The following CHD7 variants were observed in gnomAD, a reference collection of about 807,000 sequenced individuals.
The protein encoded by CHD7 is ATP-dependent chromatin remodeler CHD7.
A neutral mutation model predicts 307.3 loss-of-function variants in CHD7; 24 were observed. That is an observed-to-expected ratio of 0.08 (90% CI 0.06 to 0.11). The LOEUF (loss-of-function observed/expected upper bound fraction) is 0.11. Among genes scored for constraint, CHD7 ranks in the 10% least tolerant of loss-of-function variants. The pLI, the probability that CHD7 is intolerant of heterozygous loss-of-function variation, is 1.00. For missense variants in CHD7, 3,106 were observed against 3,727.1 expected, an observed-to-expected ratio of 0.83 and a Z score of 4.34; for synonymous variants, 1,363 against 1,349.9, an observed-to-expected ratio of 1.01 and a Z score of -0.21.
intron 19 of CHD7, among the ~76,000 whole-genome samples, chr8:60,839,088 A>C (rs186543721): frequency 6.6e-6 from 1 of 152,084 alleles, no homozygotes; most frequent in African/African-American, 2.4e-5. Context: ...CCCCATTCCT[A>C]TCCATACCAG....
In CHD7 at chr8:60,818,522, A is replaced by G. The variant is rs147543703; in HGVS notation, c.2614-1485A>G. Among the ~76,000 whole-genome samples the G allele has an allele frequency of 3.6e-3, 554 of 152,342 alleles. 3 individuals carry two copies. Among genetic ancestry groups the G allele is most frequent in the African/African-American group, 0.013 (523 of 41,572 alleles). On this transcript the variant is annotated intron_variant, in intron 8 of 37. Coordinates refer to ENST00000423902, the MANE Select transcript of CHD7 (RefSeq NM_017780.4). ...ACACGTGTGTTTACCTACGTCTAGA[A>G]GCTTTTGAAAAGCCAGTGCATTAAT...
Position 60,793,777 on chromosome 8 carries a change from G to A in CHD7, c.2097-1209G>A, listed in dbSNP as rs1449259480. On this transcript the variant is annotated intron_variant, in intron 3 of 37. Transcript: ENST00000423902. The stretch of plus-strand genomic sequence containing the variant: ...ATATTTTTTAAAAAATCATTACTGA[G>A]GTTGGATTATTTTCAGTGTTGGATA... Among the ~76,000 whole-genome samples, 4 of 152,220 alleles carry A rather than the reference G, an allele frequency of 2.6e-5. No homozygotes were observed. In the East Asian group the frequency reaches 5.8e-4, roughly 22 times the overall value.
chr8:60,772,543 G>T (rs1810760832), intron 2 of CHD7, among the ~76,000 whole-genome samples: 1 of 152,194 alleles, frequency 6.6e-6, no homozygotes, highest in Admixed American at 6.5e-5. Flanking sequence ...TCCTTAGTAA[G>T]CTGGGTAGCT....
At chr8:60,792,671 T>C (rs909838103) in intron 3 of CHD7, among the ~76,000 whole-genome samples, 3 of 152,180 alleles carry the variant, frequency 2.0e-5, no homozygotes, top group Non-Finnish European at 4.4e-5. Context: ...CTTCAGCAAA[T>C]TGATGTTTCC....
chr8:60,743,521 T>C (rs1221039093), intron 2 of CHD7, among the ~76,000 whole-genome samples: 1 of 152,270 alleles, frequency 6.6e-6, no homozygotes, highest in Non-Finnish European at 1.5e-5. Context: ...CCATCTCTCC[T>C]TTTATATTGT....
In CHD7 at chr8:60,741,890, C is replaced by T. The variant is rs1009569570; in HGVS notation, c.458C>T (p.Pro153Leu). 1 of 1,613,528 alleles carries T rather than the reference C, an allele frequency of 6.2e-7. No homozygotes were observed. Among genetic ancestry groups the T allele is most frequent in the African/African-American group, 1.3e-5 (1 of 75,016 alleles). Residue 153 changes from proline (P) to leucine (L), a missense_variant, in exon 2 of 38, where the codon CCA becomes CTA. Transcript: ENST00000423902. ...TGGGGCCCCAGGGCTGTTCAGGTAC[C>T]AGACCAGATACGAGCCCCCTACCAG... Reference protein sequence around the residue: ...SMWGPRAVQVPDQIRAPYQQQ... With the variant: ...SMWGPRAVQVLDQIRAPYQQQ...
chr8:60,862,795 AT>A lies in CHD7; in HGVS notation c.8076+146del, dbSNP rs199514805. 3,085 of 602,174 alleles carry A rather than the reference AT, an allele frequency of 5.1e-3. 75 individuals are homozygous for A. The highest frequency in any genetic ancestry group is 0.049 in the African/African-American group (2,639 of 54,354). 37.3% of individuals were successfully genotyped at this position (602,174 alleles called of 1,614,324 possible). A position where few individuals can be genotyped will look rare whatever the true frequency, so the allele number is the denominator to read the frequency against. On this transcript the variant is annotated intron_variant, in intron 37 of 37. Transcript: ENST00000423902. ...ACATAATACATCATTTTCATACATC[AT>A]TTCATACATCATTAATACATCATTA...
In CHD7 at chr8:60,822,719, G is replaced by C. The variant is rs535533268; in HGVS notation, c.3174G>C (p.Leu1058Phe). 13 of 1,611,164 alleles carry C rather than the reference G, an allele frequency of 8.1e-6. No individual in the cohort carries two copies. Among genetic ancestry groups the C allele is most frequent in the Non-Finnish European group, 9.3e-6 (11 of 1,177,962 alleles). The change falls in exon 12 of 38, where the codon TTG (leucine) becomes TTC (phenylalanine). Residue 1058 changes from leucine (L) to phenylalanine (F), a missense_variant. Transcript: ENST00000423902. The part of the protein sequence containing the change: ...GSQASRRTIQ[L>F]YEMYFKDPQG... ...AAGCTAGTCGTCGGACCATTCAGTT[G>C]TATGAAATGTACTTCAAAGATCCCC...
chr8:60,759,395 C>G lies in CHD7; in HGVS notation c.1665+16298C>G, dbSNP rs188497458. Among the ~76,000 whole-genome samples, 28 of 151,042 alleles carry G rather than the reference C, an allele frequency of 1.9e-4. No homozygotes were observed. In the East Asian group the frequency reaches 4.5e-3, roughly 24 times the overall value. On this transcript the variant is annotated intron_variant, in intron 2 of 37. Coordinates refer to ENST00000423902, the MANE Select transcript of CHD7 (RefSeq NM_017780.4). ...TCTCCCTCTCCATCTCCCTCTCCCT[C>G]TCTCTCTCTCCGCCTCCCTTTCTCC...
intron 8 of CHD7, among the ~76,000 whole-genome samples, chr8:60,816,940 A>G (rs1803776459): frequency 6.6e-6 from 1 of 152,230 alleles, no homozygotes; most frequent in Non-Finnish European, 1.5e-5. Context: ...AGAGTTCACT[A>G]AACTCATTTT....
chr8:60,804,172 T>A (rs1812440561), intron 6 of CHD7, among the ~76,000 whole-genome samples: 2 of 152,242 alleles, frequency 1.3e-5, no homozygotes, highest in African/African-American at 4.8e-5. Context: ...CAGGTTAATG[T>A]CTATGATACC....
intron 1 of CHD7, among the ~76,000 whole-genome samples, chr8:60,680,499 A>G (rs1314432990): frequency 2.6e-5 from 4 of 151,150 alleles, no homozygotes; most frequent in Non-Finnish European, 4.4e-5. Flanking sequence ...CCGAGCAGCC[A>G]TCATTACCGA....
At chr8:60,805,919 AT>A (rs1188830444) in intron 6 of CHD7, among the ~76,000 whole-genome samples, 1 of 152,196 alleles carries the variant, frequency 6.6e-6, no homozygotes, top group East Asian at 1.9e-4. Flanking sequence ...AAGCTCAGAC[AT>A]TTGAGTTCCA....
In CHD7 at chr8:60,860,975, C is replaced by T. The variant is rs761548538; in HGVS notation, c.7680C>T (p.Pro2560=). ...CACCAACAAGAAACATTCCTTCTCC[C>T]GGACAGCTGGACCCAGACACACGGA... is the stretch of plus-strand genomic sequence containing the variant. ...ETPPTRNIPS[P]GQLDPDTRIP... The change falls in exon 35 of 38, where the codon CCC becomes CCT. Residue 2560 remains proline, a synonymous_variant. Coordinates refer to ENST00000423902, the MANE Select transcript of CHD7 (RefSeq NM_017780.4). 3.0e-5 allele frequency: 48 copies of T among 1,613,856 alleles called. No individual in the cohort carries two copies. Among genetic ancestry groups the T allele is most frequent in the Admixed American group, 1.7e-4 (10 of 60,000 alleles).
At position 60,861,038 on chromosome 8, in the gene CHD7, G is replaced by C. The variant is rs779571840; in HGVS notation, c.7743G>C (p.Val2581=). 1.9e-6 allele frequency: 3 copies of C among 1,613,854 alleles called. No homozygotes were observed. The African/African-American group carries it at 4.0e-5, about 22-fold the overall frequency. ...ATCTTGAAGATGGGACTAGGCTGGTGGGGGAAGATGCTCCTAAAAATAAGG... is the reference window on the plus strand; with the variant it reads ...ATCTTGAAGATGGGACTAGGCTGGTCGGGGAAGATGCTCCTAAAAATAAGG... ...VINLEDGTRL[V]GEDAPKNKDL... is the part of the protein sequence containing the mutation. Residue 2581 remains valine (V), a synonymous_variant, in exon 35 of 38, where the codon GTG becomes GTC. Transcript: ENST00000423902.
chr8:60,708,635 C>T (rs772268539), intron 1 of CHD7, among the ~76,000 whole-genome samples: 36 of 152,198 alleles, frequency 2.4e-4, no homozygotes, highest in Non-Finnish European at 1.6e-4. Flanking sequence ...CTGGATTATT[C>T]GTGATCCCTA....
intron 2 of CHD7, among the ~76,000 whole-genome samples, chr8:60,753,348 C>T (rs954416161): frequency 2.0e-5 from 3 of 152,116 alleles, no homozygotes; most frequent in African/African-American, 4.8e-5. Context: ...GATGCAACAA[C>T]GTGTCTTTCT....
At chr8:60,750,234 G>T (rs1809567042) in intron 2 of CHD7, among the ~76,000 whole-genome samples, 1 of 152,172 alleles carries the variant, frequency 6.6e-6, no homozygotes. Flanking sequence ...CTTAAAAGAA[G>T]CCACTTTTGG....
At chr8:60,796,415 C>T (rs1204302667) in intron 4 of CHD7, among the ~76,000 whole-genome samples, 2 of 152,010 alleles carry the variant, frequency 1.3e-5, no homozygotes, top group East Asian at 1.9e-4. Context: ...TATTTTTATC[C>T]GTAAGGGTAT....
Sources: gnomAD v4.1 joint callset for allele counts (sites outside exome capture counted in the v4.1 genomes callset) on GRCh38, gnomAD v4.1.1 for gene constraint, MANE v1.5 for transcripts, NCBI Gene and HGNC (gene_info 2026-07-23, HGNC 2026-07-21) for gene names.